The following KCNK10 variants were observed in gnomAD, a reference collection of about 807,000 sequenced individuals.
KCNK10 encodes the protein potassium two pore domain channel subfamily K member 10, also known as potassium channel subfamily K member 10.
A neutral mutation model predicts 47.7 loss-of-function variants in KCNK10; 25 were observed. The ratio of observed to expected loss-of-function variants is 0.52; its 90% confidence interval spans 0.38 to 0.73. The LOEUF (loss-of-function observed/expected upper bound fraction) is 0.73, where lower values mean the gene tolerates loss of function less well. Among genes scored for constraint, KCNK10 ranks in the 30% least tolerant of loss-of-function variants. The pLI is 0.00. For synonymous variants in KCNK10, 303 were observed against 285.6 expected, an observed-to-expected ratio of 1.06 and a Z score of -0.61; for missense variants, 563 against 714.5, an observed-to-expected ratio of 0.79 and a Z score of 2.42.
At chr14:88,302,669 C>T (rs572947237) in intron 1 of KCNK10, among the ~76,000 whole-genome samples, 2 of 152,128 alleles carry the variant, frequency 1.3e-5, no homozygotes, top group African/African-American at 4.8e-5. Context: ...GAGATCGTGC[C>T]ACTGCACTCC....
chr14:88,321,090 G>T (rs1386460606), intron 1 of KCNK10, among the ~76,000 whole-genome samples: 2 of 152,188 alleles, frequency 1.3e-5, no homozygotes, highest in East Asian at 3.9e-4. Flanking sequence ...CAGTATAACA[G>T]CCTGGGTGTT....
intron 2 of KCNK10, among the ~76,000 whole-genome samples, chr14:88,244,682 A>G (rs1886578950): frequency 6.6e-6 from 1 of 152,148 alleles, no homozygotes; most frequent in South Asian, 2.1e-4. Flanking sequence ...AAAAAAAGAA[A>G]AAATTACCTG....
At chr14:88,248,222 C>A (rs573524040) in intron 2 of KCNK10, among the ~76,000 whole-genome samples, 2 of 152,270 alleles carry the variant, frequency 1.3e-5, no homozygotes, top group African/African-American at 4.8e-5. Context: ...ACTACAAAAG[C>A]AGCTACAAGA....
intron 2 of KCNK10, among the ~76,000 whole-genome samples, chr14:88,262,169 T>C (rs1159679913): frequency 6.6e-6 from 1 of 152,128 alleles, no homozygotes; most frequent in Admixed American, 6.5e-5. Flanking sequence ...GTCTTTTCCA[T>C]CCCTCCACCT....
chr14:88,187,347 C>T (rs1244896604), intron 6 of KCNK10, among the ~76,000 whole-genome samples: 4 of 151,974 alleles, frequency 2.6e-5, no homozygotes, highest in Non-Finnish European at 2.9e-5. Context: ...AAGAGAGCTA[C>T]ATGAATATTT....
At chr14:88,196,344 T>G (rs944622030) in intron 4 of KCNK10, among the ~76,000 whole-genome samples, 11 of 152,236 alleles carry the variant, frequency 7.2e-5, no homozygotes, top group African/African-American at 2.7e-4. Context: ...GAGGGATGTA[T>G]GGACTGACAA....
At chr14:88,243,640 A>G (rs1886542663) in intron 2 of KCNK10, among the ~76,000 whole-genome samples, 2 of 152,186 alleles carry the variant, frequency 1.3e-5, no homozygotes, top group African/African-American at 4.8e-5. Context: ...AGCTGATTAG[A>G]GATGAGTCGC....
chr14:88,199,912 G>GTA (rs1284789265), intron 4 of KCNK10, among the ~76,000 whole-genome samples: 1 of 152,218 alleles, frequency 6.6e-6, no homozygotes, highest in Non-Finnish European at 1.5e-5. Flanking sequence ...AAATACCTGG[G>GTA]TATTGCTGGA....
intron 3 of KCNK10, among the ~76,000 whole-genome samples, chr14:88,232,680 T>C: frequency 6.6e-6 from 1 of 152,202 alleles, no homozygotes; most frequent in East Asian, 1.9e-4. Context: ...AAATTGTGTT[T>C]TCTAAATTAA....
chr14:88,266,769 G>A (rs933952756), intron 1 of KCNK10, among the ~76,000 whole-genome samples: 1 of 152,182 alleles, frequency 6.6e-6, no homozygotes, highest in South Asian at 2.1e-4. Context: ...CACAGCACCA[G>A]GTAACCAACA....
chr14:88,186,283 G>A lies in KCNK10; in HGVS notation c.1012-128C>T. On this transcript the variant is annotated intron_variant, in intron 6 of 6. Coordinates refer to ENST00000319231, the MANE Select transcript of KCNK10 (RefSeq NM_138317.3). This position sits in a 1 kb window ranked among gnomAD's most constrained non-coding sequence, Gnocchi z 5.5. The stretch of plus-strand genomic sequence containing the variant: ...GTGACGGAGCACATGCCCAGGGGGA[G>A]GTGCAAATGCTACCTTCTGCCCTAG... 2.7e-6 allele frequency: 3 copies of A among 1,121,906 alleles called. No individual in the cohort carries two copies. Among genetic ancestry groups the A allele is most frequent in the African/African-American group, 1.6e-5 (1 of 63,770 alleles). The allele number at this position is 1,121,906 out of a possible 1,614,324, so 69.5% of individuals were successfully genotyped here. A position where few individuals can be genotyped will look rare whatever the true frequency, so the allele number is the denominator to read the frequency against.
At chr14:88,262,886 A>G (rs1887150379) in intron 2 of KCNK10, among the ~76,000 whole-genome samples, 1 of 152,212 alleles carries the variant, frequency 6.6e-6, no homozygotes, top group Admixed American at 6.5e-5. Flanking sequence ...AGCATTCCAC[A>G]GAGTTCAGAA....
intron 3 of KCNK10, among the ~76,000 whole-genome samples, chr14:88,231,123 T>A (rs190181626): frequency 1.7e-3 from 259 of 149,662 alleles, no homozygotes; most frequent in African/African-American, 5.2e-3. Context: ...AAAAAAAAAT[T>A]TTTTTAATTA....
At chr14:88,230,502 C>T (rs1344624112) in intron 3 of KCNK10, among the ~76,000 whole-genome samples, 1 of 152,214 alleles carries the variant, frequency 6.6e-6, no homozygotes, top group Non-Finnish European at 1.5e-5. Context: ...ACAAAGGCTT[C>T]CACTTGCTGT....
intron 2 of KCNK10, among the ~76,000 whole-genome samples, chr14:88,255,658 C>A (rs1207756471): frequency 1.3e-5 from 2 of 152,068 alleles, no homozygotes; most frequent in Non-Finnish European, 2.9e-5. Flanking sequence ...GAGGCAAGCA[C>A]CGAAGAGAGG....
At chr14:88,219,987 G>A (rs1885745283) in intron 4 of KCNK10, among the ~76,000 whole-genome samples, 1 of 152,048 alleles carries the variant, frequency 6.6e-6, no homozygotes, top group Non-Finnish European at 1.5e-5. Context: ...ATCTCATTCT[G>A]GTCAATGAGA....
At chr14:88,201,292 CATCT>C (rs1385812902) in intron 4 of KCNK10, among the ~76,000 whole-genome samples, 12 of 152,178 alleles carry the variant, frequency 7.9e-5, no homozygotes, top group Non-Finnish European at 1.6e-4. Flanking sequence ...TTTCCTTATT[CATCT>C]ATCACTTATT....
At chr14:88,194,352 T>C (rs1023955760) in intron 4 of KCNK10, among the ~76,000 whole-genome samples, 5 of 152,232 alleles carry the variant, frequency 3.3e-5, no homozygotes, top group African/African-American at 1.2e-4. Flanking sequence ...CTAGTTTTGT[T>C]TGCAGAAATG....
chr14:88,277,251 T>C (rs1887545070), intron 1 of KCNK10, among the ~76,000 whole-genome samples: 1 of 151,982 alleles, frequency 6.6e-6, no homozygotes, highest in African/African-American at 2.4e-5. Context: ...TCCTTCACTG[T>C]GCCTACTAAG....
Sources: gnomAD v4.1 joint callset for allele counts (sites outside exome capture counted in the v4.1 genomes callset) on GRCh38, gnomAD v4.1.1 for gene constraint, Gnocchi (gnomAD v3.1) non-coding constraint, MANE v1.5 for transcripts, NCBI Gene and HGNC (gene_info 2026-07-23, HGNC 2026-07-21) for gene names.